PCDH11X: variants seen among roughly 807,000 people sequenced by gnomAD.
PCDH11X encodes the protein protocadherin-11 X-linked.
A neutral mutation model predicts 53.3 loss-of-function variants in PCDH11X; 18 were observed. The ratio of observed to expected loss-of-function variants is 0.34; its 90% confidence interval spans 0.23 to 0.50. The LOEUF (loss-of-function observed/expected upper bound fraction) is 0.50. Among genes scored for constraint, PCDH11X ranks in the 20% least tolerant of loss-of-function variants. The pLI is 0.98. For missense variants in PCDH11X, 570 were observed against 1,032.4 expected (o/e 0.55, Z 6.14); for synonymous variants, 279 against 393.3 (o/e 0.71, Z 3.44).
intron 8 of PCDH11X, among the ~76,000 whole-genome samples, chrX:92,355,444 A>G (rs1243600666): frequency 3.1e-5 from 3 of 96,305 alleles, no homozygotes; most frequent in South Asian, 5.3e-4. Flanking sequence ...AAAAAAAAAA[A>G]AAAAGAAATT....
intron 4 of PCDH11X, among the ~76,000 whole-genome samples, chrX:91,812,123 T>A (rs1376063020): frequency 9.0e-6 from 1 of 111,430 alleles, no homozygotes; most frequent in Admixed American, 9.6e-5. Flanking sequence ...ACTCCAATAA[T>A]GTAATACACT....
chrX:92,084,714 G>T (rs773919782), intron 6 of PCDH11X, among the ~76,000 whole-genome samples: 1 of 111,312 alleles, frequency 9.0e-6, no homozygotes, highest in East Asian at 2.8e-4. Context: ...CAAGCACTTG[G>T]TTGGACTACC....
intron 8 of PCDH11X, among the ~76,000 whole-genome samples, chrX:92,360,670 C>G (rs1431807957): frequency 9.0e-6 from 1 of 111,016 alleles, no homozygotes; most frequent in African/African-American, 3.3e-5. Context: ...TCAAAGTTGT[C>G]TTTTACTACA....
chrX:92,575,944 T>TATATATAC (rs1363794960), intron 10 of PCDH11X, among the ~76,000 whole-genome samples: 4 of 19,904 alleles, frequency 2.0e-4, no homozygotes, highest in African/African-American at 7.9e-4. Flanking sequence ...TATATATATA[T>TATATATAC]ACACACACAC....
intron 9 of PCDH11X, among the ~76,000 whole-genome samples, chrX:92,452,205 C>T (rs2072798274): frequency 2.0e-5 from 2 of 101,968 alleles, no homozygotes; most frequent in South Asian, 8.7e-4. Context: ...AGAATATATT[C>T]ATCCGAACCA....
intron 6 of PCDH11X, among the ~76,000 whole-genome samples, chrX:91,994,382 C>G (rs759029897): frequency 9.1e-6 from 1 of 110,159 alleles, no homozygotes; most frequent in East Asian, 2.9e-4. Flanking sequence ...AGATTTCACG[C>G]TAAGAGAAAC....
chrX:91,980,686 C>G (rs376976876), intron 6 of PCDH11X, among the ~76,000 whole-genome samples: 1 of 106,412 alleles, frequency 9.4e-6, no homozygotes, highest in Non-Finnish European at 1.9e-5. Context: ...CATCCCGCTG[C>G]GCCCTCCCAA....
chrX:91,808,007 T>C (rs1936174529), intron 1 of PCDH11X, among the ~76,000 whole-genome samples: 1 of 108,966 alleles, frequency 9.2e-6, no homozygotes, highest in Non-Finnish European at 1.9e-5. Flanking sequence ...TTGTATTAAA[T>C]ACCTGATTAT....
At chrX:92,274,561 C>T (rs372043408) in intron 8 of PCDH11X, among the ~76,000 whole-genome samples, 12 of 110,852 alleles carry the variant, frequency 1.1e-4, no homozygotes, top group African/African-American at 4.0e-4. Flanking sequence ...TATCTGACTC[C>T]GGACATGTTG....
intron 8 of PCDH11X, among the ~76,000 whole-genome samples, chrX:92,321,338 G>A (rs1253973049): frequency 9.2e-5 from 10 of 108,234 alleles, no homozygotes; most frequent in Non-Finnish European, 1.5e-4. Flanking sequence ...AACTACAGGC[G>A]CCTGCCACCA....
At chrX:92,481,614 T>G (rs2148673985) in intron 10 of PCDH11X, among the ~76,000 whole-genome samples, 1 of 111,027 alleles carries the variant, frequency 9.0e-6, no homozygotes, top group African/African-American at 3.3e-5. Context: ...GTGCGCAGGT[T>G]GGACCATCCC....
intron 10 of PCDH11X, among the ~76,000 whole-genome samples, chrX:92,585,265 C>T (rs1295343987): frequency 9.0e-6 from 1 of 111,145 alleles, no homozygotes; most frequent in Non-Finnish European, 1.9e-5. Context: ...CTGCCTCCAA[C>T]ACCGGGGATT....
At chrX:92,501,877 G>C (rs1165132367) in intron 10 of PCDH11X, among the ~76,000 whole-genome samples, 1 of 111,000 alleles carries the variant, frequency 9.0e-6, no homozygotes, top group Non-Finnish European at 1.9e-5. Flanking sequence ...AGGGCAATCA[G>C]GCAAGAGAAA....
intron 10 of PCDH11X, among the ~76,000 whole-genome samples, chrX:92,534,300 A>G (rs908483335): frequency 9.0e-6 from 1 of 111,368 alleles, no homozygotes; most frequent in Non-Finnish European, 1.9e-5. Flanking sequence ...AAGAAAGGGT[A>G]TTAGTGATTG....
intron 10 of PCDH11X, among the ~76,000 whole-genome samples, chrX:92,607,554 T>C (rs2148813917): frequency 9.0e-6 from 1 of 111,726 alleles, no homozygotes; most frequent in African/African-American, 3.2e-5. Flanking sequence ...TGCACAATGC[T>C]GTGAATATAC....
In PCDH11X at chrX:92,621,650, C is replaced by A. The variant is rs1928508657; in HGVS notation, c.*2710C>A. On this transcript the variant is annotated 3_prime_UTR_variant, in exon 11 of 11. Transcript: ENST00000682573. ...TCTAGGGCTTCAGATCTGATGATAT[C>A]TTTTTCATCACATTACAAGTTATTT... 1 of 110,837 alleles carries A rather than the reference C, an allele frequency of 9.0e-6. No individual in the cohort carries two copies. Among genetic ancestry groups the A allele is most frequent in the South Asian group, 3.8e-4 (1 of 2,650 alleles). 9.1% of individuals were successfully genotyped at this position (110,837 alleles called of 1,213,427 possible).
At chrX:92,513,366 T>C (rs1391672100) in intron 10 of PCDH11X, among the ~76,000 whole-genome samples, 1 of 107,555 alleles carries the variant, frequency 9.3e-6, no homozygotes, top group African/African-American at 3.4e-5. Flanking sequence ...AAAATATTAC[T>C]AGCAAAAATA....
intron 1 of PCDH11X, among the ~76,000 whole-genome samples, chrX:91,807,220 G>A (rs1477347864): frequency 9.3e-6 from 1 of 107,960 alleles, no homozygotes; most frequent in Non-Finnish European, 1.9e-5. Context: ...CTGTTCATGT[G>A]TGCCTGTAGT....
At chrX:92,158,783 G>C (rs952600426) in intron 6 of PCDH11X, among the ~76,000 whole-genome samples, 1 of 109,965 alleles carries the variant, frequency 9.1e-6, no homozygotes, top group Non-Finnish European at 1.9e-5. Flanking sequence ...TTACAGGCAC[G>C]CGCTGCCATG....
Sources: allele counts gnomAD v4.1 joint callset (sites outside exome capture counted in the v4.1 genomes callset), GRCh38; gene constraint gnomAD v4.1.1; transcripts MANE v1.5; gene names NCBI Gene and HGNC (gene_info 2026-07-23, HGNC 2026-07-21).